Variants in RIPK2 observed in about 807,000 individuals in gnomAD.
The protein encoded by RIPK2 is receptor interacting serine/threonine kinase 2, also known as receptor-interacting serine/threonine-protein kinase 2.
A neutral mutation model predicts 60.9 loss-of-function variants in RIPK2; 38 were observed. The ratio of observed to expected loss-of-function variants is 0.62; its 90% confidence interval spans 0.48 to 0.82. RIPK2 has a LOEUF of 0.82. Among genes scored for constraint, RIPK2 ranks in the 40% least tolerant of loss-of-function variants. The pLI is 0.00. For missense variants in RIPK2, 518 were observed against 647.0 expected, an observed-to-expected ratio of 0.80 and a Z score of 2.16; for synonymous variants, 225 against 223.4, an observed-to-expected ratio of 1.01 and a Z score of -0.06.
chr8:89,789,314 T>C lies in RIPK2; in HGVS notation c.1124-7T>C, dbSNP rs764732246. 2 of 1,612,358 alleles carry C rather than the reference T, an allele frequency of 1.2e-6. No individual in the cohort carries two copies. The highest frequency in any genetic ancestry group is 1.7e-6 in the Non-Finnish European group (2 of 1,179,008). ...TCTACTTCTAATGAAGATGTTGTAT[T>C]TTGTAGGAAAAGCTCAAGACTGTTA... On this transcript the variant is annotated splice_polypyrimidine_tract_variant and splice_region_variant and intron_variant, in intron 9 of 10. Transcript: ENST00000220751.
At chr8:89,783,316 A>G (rs1008124985) in intron 7 of RIPK2, among the ~76,000 whole-genome samples, 10 of 152,194 alleles carry the variant, frequency 6.6e-5, no homozygotes, top group African/African-American at 2.4e-4. Flanking sequence ...TTTTAACACA[A>G]AAGAATAGTA....
chr8:89,777,900 CAAT>C (rs1216946217), intron 6 of RIPK2, among the ~76,000 whole-genome samples: 1 of 151,734 alleles, frequency 6.6e-6, no homozygotes, highest in Non-Finnish European at 1.5e-5. Flanking sequence ...AAAAAAAAAT[CAAT>C]AATAAGGAAA....
chr8:89,788,988 A>G (rs1809631248), intron 9 of RIPK2, among the ~76,000 whole-genome samples: 2 of 152,234 alleles, frequency 1.3e-5, no homozygotes, highest in African/African-American at 4.8e-5. Flanking sequence ...GACAGACATC[A>G]TATATAGATT....
chr8:89,773,782 A>C (rs1809353228), intron 6 of RIPK2, among the ~76,000 whole-genome samples: 2 of 152,174 alleles, frequency 1.3e-5, no homozygotes, highest in Admixed American at 1.3e-4. Flanking sequence ...TCCAAATGTA[A>C]ATGTAGGAGA....
intron 3 of RIPK2, among the ~76,000 whole-genome samples, chr8:89,767,940 T>C (rs1809254710): frequency 1.3e-5 from 2 of 151,778 alleles, no homozygotes; most frequent in Non-Finnish European, 3.0e-5. Flanking sequence ...TCCTTGGTGC[T>C]ATGTAGATGC....
chr8:89,767,481 TGGTAGG>T (rs1421773755), intron 3 of RIPK2, among the ~76,000 whole-genome samples: 2 of 151,548 alleles, frequency 1.3e-5, no homozygotes, highest in Admixed American at 1.3e-4. Context: ...TAGAATAAAG[TGGTAGG>T]GGAAAGGAGA....
At chr8:89,765,033 A>G (rs1809205394) in intron 2 of RIPK2, among the ~76,000 whole-genome samples, 1 of 152,082 alleles carries the variant, frequency 6.6e-6, no homozygotes, top group African/African-American at 2.4e-5. Context: ...CTCTGGCTAT[A>G]TACAGATACA....
intron 6 of RIPK2, among the ~76,000 whole-genome samples, chr8:89,774,898 G>A (rs1157576650): frequency 1.3e-5 from 2 of 152,112 alleles, no homozygotes; most frequent in African/African-American, 4.8e-5. Context: ...AGTCAAGGAG[G>A]GGTATAGTCG....
chr8:89,784,418 G>A (rs559330307), intron 8 of RIPK2, among the ~76,000 whole-genome samples: 41 of 152,218 alleles, frequency 2.7e-4, no homozygotes, highest in African/African-American at 9.6e-4. Flanking sequence ...ATATCCCAGG[G>A]TATTATGTAG....
intron 9 of RIPK2, among the ~76,000 whole-genome samples, chr8:89,787,125 C>T (rs1809600392): frequency 6.6e-6 from 1 of 152,056 alleles, no homozygotes; most frequent in Non-Finnish European, 1.5e-5. Context: ...GATTGCACCA[C>T]CACACTCCAT....
intron 7 of RIPK2, among the ~76,000 whole-genome samples, chr8:89,782,467 G>A (rs1283219195): frequency 6.6e-6 from 1 of 152,134 alleles, no homozygotes; most frequent in Non-Finnish European, 1.5e-5. Flanking sequence ...GTAAGCTAAT[G>A]TCAGGGACAA....
In RIPK2 at chr8:89,777,898, A is replaced by G. The variant is rs144767133; in HGVS notation, c.854-2177A>G. Among the ~76,000 whole-genome samples the G allele has an allele frequency of 2.7e-4, 41 of 152,288 alleles. No homozygotes were observed. The East Asian group carries it at 7.3e-3, about 27-fold the overall frequency. Reference sequence around the variant, plus strand: ...CTGAAAGGGAAAGGAAGAAAAAAAAATCAATAATAAGGAAAGTTTAAGTGT... The same window carrying G: ...CTGAAAGGGAAAGGAAGAAAAAAAAGTCAATAATAAGGAAAGTTTAAGTGT... On this transcript the variant is annotated intron_variant, in intron 6 of 10. Transcript: ENST00000220751.
chr8:89,790,007 T>C (rs1270567327), intron 10 of RIPK2, 72 bp from the exon 11 acceptor site: 20 of 1,086,254 alleles, frequency 1.8e-5, no homozygotes, highest in African/African-American at 3.1e-5. Context: ...TTATTTATTT[T>C]TCATGGAATT....
intron 1 of RIPK2, among the ~76,000 whole-genome samples, chr8:89,760,618 T>C (rs1050415513): frequency 2.0e-5 from 3 of 152,196 alleles, no homozygotes; most frequent in African/African-American, 7.2e-5. Context: ...GTCCCATGAT[T>C]GCAATTCAAA....
rs1586128992 is a variant in RIPK2, at chr8:89,779,310, G to GGTTTTTTTT, written c.854-765_854-764insGTTTTTTTT. 5.3e-4 allele frequency among the ~76,000 whole-genome samples: 42 copies of GGTTTTTTTT among 79,112 alleles called. 1 individual carries two copies. Among genetic ancestry groups the GGTTTTTTTT allele is most frequent in the African/African-American group, 2.3e-3 (40 of 17,138 alleles). 51.9% of individuals were successfully genotyped at this position (79,112 alleles called of 152,430 possible). A position where few individuals can be genotyped will look rare whatever the true frequency, so the allele number is the denominator to read the frequency against. On this transcript the variant is annotated intron_variant, in intron 6 of 10. Transcript: ENST00000220751. ...AGTCCAATTTTTAGGCGGTTTTTGG[G>GGTTTTTTTT]TTTTTTTTTTTTTTTTTTTTTTGAG...
chr8:89,790,408 AG>A lies in RIPK2; in HGVS notation c.1616del (p.Ser539ThrfsTer4). On this transcript the variant is annotated frameshift_variant, in exon 11 of 11. Transcript: ENST00000220751. LOFTEE classifies it high-confidence loss of function. ...SPSLNLLQNKSM is the reference protein window; with the variant it reads ...SPSLNLLQNKXM ...ATCTTTAAATTTACTTCAAAATAAA[AG>A]CATGTAAGTGACTGTTTTTCAAGAA... is the stretch of plus-strand genomic sequence containing the variant. 1 of 1,577,368 alleles carries A rather than the reference AG, an allele frequency of 6.3e-7. No individual in the cohort carries two copies. Among genetic ancestry groups the A allele is most frequent in the Non-Finnish European group, 8.6e-7 (1 of 1,160,862 alleles).
chr8:89,760,672 G>C (rs1809130062), intron 1 of RIPK2, among the ~76,000 whole-genome samples: 1 of 152,094 alleles, frequency 6.6e-6, no homozygotes. Flanking sequence ...CATTAGAAAA[G>C]TATTAATTTT....
At chr8:89,768,764 T>G (rs563549792) in intron 3 of RIPK2, among the ~76,000 whole-genome samples, 1 of 151,764 alleles carries the variant, frequency 6.6e-6, no homozygotes, top group South Asian at 2.1e-4. Context: ...TACCCCTCCT[T>G]TTTGGGAATG....
rs370305165 is a variant in RIPK2 at position 89,769,101 on chromosome 8, A to G, written c.484-671A>G. Among the ~76,000 whole-genome samples, 62 of 152,018 alleles carry G rather than the reference A, an allele frequency of 4.1e-4. No homozygotes were observed. The East Asian group carries it at 6.2e-3, about 15-fold the overall frequency. The stretch of plus-strand genomic sequence containing the variant: ...ACTGTATAATATGTGCATAAGATTT[A>G]CAACTGAAGCAAAACTGTACAGGAC... On this transcript the variant is annotated intron_variant, in intron 3 of 10. Coordinates refer to ENST00000220751, the MANE Select transcript of RIPK2 (RefSeq NM_003821.6).
Sources: gnomAD v4.1 joint callset for allele counts (sites outside exome capture counted in the v4.1 genomes callset) on GRCh38, gnomAD v4.1.1 for gene constraint, MANE v1.5 for transcripts, NCBI Gene and HGNC (gene_info 2026-07-23, HGNC 2026-07-21) for gene names.